The following PPARGC1A variants were observed in gnomAD, a reference collection of about 807,000 sequenced individuals.
The protein encoded by PPARGC1A is peroxisome proliferator-activated receptor gamma coactivator 1-alpha.
A neutral mutation model predicts 88.7 loss-of-function variants in PPARGC1A; 25 were observed. The observed-to-expected ratio is 0.28, with a 90% CI of 0.21 to 0.39. The LOEUF is 0.39. PPARGC1A is among the 10% of genes least tolerant of loss of function. The pLI, the probability that PPARGC1A is intolerant of heterozygous loss-of-function variation, is 1.00. For synonymous variants in PPARGC1A, 363 were observed against 355.6 expected (o/e 1.02, Z -0.24); for missense variants, 880 against 968.7 (o/e 0.91, Z 1.22).
the PPARGC1A span, among the ~76,000 whole-genome samples, chr4:24,034,604 G>A: frequency 6.6e-6 from 1 of 152,154 alleles, no homozygotes; most frequent in Non-Finnish European, 1.5e-5. Flanking sequence ...TTGTGGTATT[G>A]AAGAAGCAAG....
chr4:23,957,015 C>A, the PPARGC1A span, among the ~76,000 whole-genome samples: 2 of 152,044 alleles, frequency 1.3e-5, no homozygotes, highest in East Asian at 3.9e-4. Flanking sequence ...ACTGGTGGGA[C>A]CAGGATTTTA....
At chr4:24,448,990 T>C in the PPARGC1A span, among the ~76,000 whole-genome samples, 1 of 152,174 alleles carries the variant, frequency 6.6e-6, no homozygotes, top group Non-Finnish European at 1.5e-5. Context: ...CCTTAACTGC[T>C]CTACAAATAA....
chr4:24,131,283 T>C, the PPARGC1A span, among the ~76,000 whole-genome samples: 1 of 152,198 alleles, frequency 6.6e-6, no homozygotes, highest in Non-Finnish European at 1.5e-5. Context: ...CAAAACACAA[T>C]CTGCTGGTTC....
At chr4:24,227,752 A>C in the PPARGC1A span, among the ~76,000 whole-genome samples, 1 of 152,150 alleles carries the variant, frequency 6.6e-6, no homozygotes, top group African/African-American at 2.4e-5. Context: ...AGATTCCAGC[A>C]TCCTCATTAC....
chr4:23,844,026 A>G (rs559485135), intron 2 of PPARGC1A, among the ~76,000 whole-genome samples: 1 of 151,664 alleles, frequency 6.6e-6, no homozygotes, highest in African/African-American at 2.4e-5. Flanking sequence ...TTATATATAT[A>G]TCTTTATTTA....
At chr4:24,007,883 A>G in the PPARGC1A span, among the ~76,000 whole-genome samples, 1 of 152,128 alleles carries the variant, frequency 6.6e-6, no homozygotes, top group African/African-American at 2.4e-5. Context: ...AGGGACATAG[A>G]AACTCAGAGC....
At chr4:24,097,109 A>T in the PPARGC1A span, among the ~76,000 whole-genome samples, 2 of 152,124 alleles carry the variant, frequency 1.3e-5, no homozygotes, top group Non-Finnish European at 2.9e-5. Context: ...TGGGGAAGGG[A>T]GGGAAGGTGG....
At chr4:24,089,505 C>CTTTTTTTTT in the PPARGC1A span, among the ~76,000 whole-genome samples, 3 of 73,810 alleles carry the variant, frequency 4.1e-5, no homozygotes, top group African/African-American at 1.4e-4. Flanking sequence ...CTTTTCTTTT[C>CTTTTTTTTT]TTTTCTTTCT....
chr4:24,448,015 T>C, the PPARGC1A span, among the ~76,000 whole-genome samples: 1 of 152,204 alleles, frequency 6.6e-6, no homozygotes, highest in Non-Finnish European at 1.5e-5. Context: ...CAGTGCACCC[T>C]TCTCATCTAC....
chr4:24,450,108 TG>T, the PPARGC1A span, among the ~76,000 whole-genome samples: 1 of 152,348 alleles, frequency 6.6e-6, no homozygotes, highest in African/African-American at 2.4e-5. Context: ...ACATGGTCTG[TG>T]GGAACAAGTC....
At chr4:23,960,504 T>A in the PPARGC1A span, among the ~76,000 whole-genome samples, 23,211 of 152,154 alleles carry the variant, frequency 0.15, 2,462 homozygotes, top group East Asian at 0.3. Flanking sequence ...TGGCTCCTAT[T>A]TTGAAAGGTA....
At chr4:23,974,799 ATTTTTTTTTTTTTTTTT>A in the PPARGC1A span, among the ~76,000 whole-genome samples, 2 of 61,128 alleles carry the variant, frequency 3.3e-5, no homozygotes, top group African/African-American at 1.2e-4. Flanking sequence ...GGCCCGGCTA[ATTTTTTTTTTTTTTTTT>A]TTTTTTTTTT....
chr4:24,055,591 T>C, the PPARGC1A span, among the ~76,000 whole-genome samples: 1 of 152,240 alleles, frequency 6.6e-6, no homozygotes, highest in Non-Finnish European at 1.5e-5. Context: ...AGAATTATGT[T>C]AACTTGGCAG....
chr4:23,928,999 G>A, the PPARGC1A span, among the ~76,000 whole-genome samples: 1 of 152,012 alleles, frequency 6.6e-6, no homozygotes, highest in African/African-American at 2.4e-5. Flanking sequence ...GGGAGGGAGA[G>A]CATTAGGAAA....
At chr4:24,211,552 C>T in the PPARGC1A span, among the ~76,000 whole-genome samples, 13 of 152,224 alleles carry the variant, frequency 8.5e-5, no homozygotes, top group Middle Eastern at 6.8e-3. Flanking sequence ...GCTAGTATAT[C>T]TAAGAAAAGG....
the PPARGC1A span, among the ~76,000 whole-genome samples, chr4:24,012,949 C>G: frequency 6.6e-6 from 1 of 152,120 alleles, no homozygotes; most frequent in Non-Finnish European, 1.5e-5. Context: ...ACCTGTAAAA[C>G]TGCAGGTCAC....
the PPARGC1A span, among the ~76,000 whole-genome samples, chr4:24,304,090 C>T: frequency 1.3e-5 from 2 of 152,196 alleles, no homozygotes; most frequent in African/African-American, 4.8e-5. Context: ...ACTCAGTCAA[C>T]CCGAGGACAG....
At chr4:24,317,068 A>G in the PPARGC1A span, among the ~76,000 whole-genome samples, 3 of 152,298 alleles carry the variant, frequency 2.0e-5, no homozygotes, top group Admixed American at 2.0e-4. Flanking sequence ...CTATCAGGTA[A>G]GTAATATTAT....
At chr4:24,430,881 G>A in the PPARGC1A span, among the ~76,000 whole-genome samples, 1,823 of 152,190 alleles carry the variant, frequency 0.012, 53 homozygotes, top group East Asian at 0.11. Flanking sequence ...ACTCTGGGAG[G>A]CTGAGGCAGG....
Sources: allele counts gnomAD v4.1 joint callset (sites outside exome capture counted in the v4.1 genomes callset), GRCh38; gene constraint gnomAD v4.1.1; transcripts MANE v1.5; gene names NCBI Gene and HGNC (gene_info 2026-07-23, HGNC 2026-07-21).